Variants in PAX3 observed in about 807,000 individuals in gnomAD.
PAX3 encodes the protein paired box 3, also known as paired box protein Pax-3.
PAX3 carries 14 observed loss-of-function variants against 51.6 expected under a neutral mutation model. The observed-to-expected ratio is 0.27, with a 90% CI of 0.18 to 0.42. The LOEUF (loss-of-function observed/expected upper bound fraction) is 0.42. PAX3 is among the 10% of genes least tolerant of loss of function. The pLI, the probability that PAX3 is intolerant of heterozygous loss-of-function variation, is 1.00. For missense variants in PAX3, 540 were observed against 642.8 expected, an observed-to-expected ratio of 0.84 and a Z score of 1.73; for synonymous variants, 280 against 253.4, an observed-to-expected ratio of 1.11 and a Z score of -1.00.
chr2:222,248,739 G>A (rs539060050), intron 4 of PAX3, among the ~76,000 whole-genome samples: 3 of 152,304 alleles, frequency 2.0e-5, no homozygotes, highest in African/African-American at 7.2e-5. Context: ...AGCAGGTTTT[G>A]AGGGAGCTTG....
At chr2:222,283,477 A>T (rs1477243748) in intron 4 of PAX3, among the ~76,000 whole-genome samples, 1 of 152,212 alleles carries the variant, frequency 6.6e-6, no homozygotes, top group Non-Finnish European at 1.5e-5. Flanking sequence ...GTGCAAAGTG[A>T]GTGTTTTACC....
chr2:222,231,518 G>A (rs920879030), intron 5 of PAX3, among the ~76,000 whole-genome samples: 4 of 152,178 alleles, frequency 2.6e-5, no homozygotes, highest in South Asian at 2.1e-4. Flanking sequence ...TTATAAAATC[G>A]TTAAATGAAG....
intron 4 of PAX3, among the ~76,000 whole-genome samples, chr2:222,249,916 C>T (rs1413673189): frequency 2.0e-5 from 3 of 152,140 alleles, no homozygotes; most frequent in Non-Finnish European, 4.4e-5. Flanking sequence ...TTATAAGCTA[C>T]CTAGAGTCTT....
rs533683487 is a variant in PAX3 at position 222,217,741 on chromosome 2, A to G, written c.1173+2399T>C. Among the ~76,000 whole-genome samples, 9 of 152,302 alleles carry G rather than the reference A, an allele frequency of 5.9e-5. No individual in the cohort carries two copies. The East Asian group carries it at 1.7e-3, about 29-fold the overall frequency. ...AGTCTCTTCTTTAGTTAACAAGTAA[A>G]CCAGGGTGTTAGACATGAACTCGTT... On this transcript the variant is annotated intron_variant, in intron 7 of 8. Coordinates refer to ENST00000392070, the MANE Select transcript of PAX3 (RefSeq NM_181458.4).
intron 4 of PAX3, among the ~76,000 whole-genome samples, chr2:222,234,747 C>T (rs987419278): frequency 6.6e-6 from 1 of 152,306 alleles, no homozygotes; most frequent in Admixed American, 6.5e-5. Context: ...TCAAAATTTT[C>T]AACTCTGTAA....
At chr2:222,251,983 G>A (rs939527586) in intron 4 of PAX3, among the ~76,000 whole-genome samples, 4 of 152,090 alleles carry the variant, frequency 2.6e-5, no homozygotes, top group Admixed American at 6.5e-5. Flanking sequence ...CCTCCAAATC[G>A]AAGATGTAAC....
At chr2:222,277,889 A>G (rs7580044) in intron 4 of PAX3, among the ~76,000 whole-genome samples, 106,972 of 148,350 alleles carry the variant, frequency 0.72, 40,457 homozygotes, top group East Asian at 0.99. Context: ...AGCTGAGATC[A>G]TGCCACTGCA....
At chr2:222,279,477 A>C (rs1694559693) in intron 4 of PAX3, among the ~76,000 whole-genome samples, 1 of 152,366 alleles carries the variant, frequency 6.6e-6, no homozygotes, top group South Asian at 2.1e-4. Flanking sequence ...AAAGTGGGGA[A>C]AAACATTTTC....
In PAX3 at chr2:222,213,492, G is replaced by C. The variant is rs1013226609; in HGVS notation, c.1173+6648C>G. On this transcript the variant is annotated intron_variant, in intron 7 of 8. Transcript: ENST00000392070. ...CTCGTTTATGATCATAAACATTCTT[G>C]AGCCTTCACAAACATCGAGGCTTCT... 8.5e-5 allele frequency among the ~76,000 whole-genome samples: 13 copies of C among 152,108 alleles called. 1 individual carries two copies. The South Asian group carries it at 1.5e-3, about 17-fold the overall frequency.
chr2:222,255,020 T>C (rs12619426), intron 4 of PAX3, among the ~76,000 whole-genome samples: 17,642 of 152,204 alleles, frequency 0.12, 1,256 homozygotes, highest in East Asian at 0.32. Context: ...TGACCTCAAG[T>C]GATCCACCTG....
At chr2:222,244,404 G>C (rs750215486) in intron 4 of PAX3, among the ~76,000 whole-genome samples, 38 of 152,152 alleles carry the variant, frequency 2.5e-4, no homozygotes, top group Admixed American at 1.1e-3. Flanking sequence ...CATCAGCAAA[G>C]TAGGGTTTAA....
intron 4 of PAX3, among the ~76,000 whole-genome samples, chr2:222,282,703 G>A (rs572953587): frequency 1.3e-5 from 2 of 152,212 alleles, no homozygotes; most frequent in South Asian, 4.1e-4. Context: ...AACATAAAGA[G>A]ACTACTTTTG....
chr2:222,294,339 A>C (rs1188765618), intron 3 of PAX3, 38 bp from the exon 4 acceptor site: 1 of 1,612,210 alleles, frequency 6.2e-7, no homozygotes, highest in Admixed American at 1.7e-5. Context: ...GGGAGCGCAC[A>C]TGGTTGAGAC....
chr2:222,201,553 T>C, intron 8 of PAX3, 111 bp from the exon 9 acceptor site: 1 of 1,443,128 alleles, frequency 6.9e-7, no homozygotes, highest in Non-Finnish European at 9.7e-7. Flanking sequence ...TATCAAAGGC[T>C]TGAGACTAAT....
At chr2:222,253,370 C>T (rs1693511192) in intron 4 of PAX3, among the ~76,000 whole-genome samples, 1 of 152,168 alleles carries the variant, frequency 6.6e-6, no homozygotes. Context: ...CCTGGTTTGA[C>T]ATTAGTCTGT....
intron 4 of PAX3, among the ~76,000 whole-genome samples, chr2:222,260,898 T>C (rs1437711158): frequency 6.6e-6 from 1 of 152,114 alleles, no homozygotes; most frequent in Admixed American, 6.5e-5. Context: ...CAACACAAGA[T>C]TTTAAAATAA....
At chr2:222,258,474 A>G (rs942663167) in intron 4 of PAX3, among the ~76,000 whole-genome samples, 15 of 152,290 alleles carry the variant, frequency 9.8e-5, no homozygotes, top group Middle Eastern at 3.4e-3. Context: ...TTAAATATGG[A>G]GCTTATATTC....
At chr2:222,257,599 A>G (rs1003883351) in intron 4 of PAX3, among the ~76,000 whole-genome samples, 15 of 152,346 alleles carry the variant, frequency 9.8e-5, no homozygotes, top group African/African-American at 3.6e-4. Flanking sequence ...TAAATTGACT[A>G]CCTGTCTCCA....
Position 222,231,177 on chromosome 2 carries a change from T to C in PAX3, c.792+901A>G, listed in dbSNP as rs564622416. ...GCATCTATGAACGTGTTGATCAATC[T>C]AGGGACCATGTCAACTGACTAGTCC... On this transcript the variant is annotated intron_variant, in intron 5 of 8. Transcript: ENST00000392070. Among the ~76,000 whole-genome samples, 5 of 152,300 alleles carry C rather than the reference T, an allele frequency of 3.3e-5. No homozygotes were observed. In the South Asian group the frequency reaches 1.0e-3, roughly 32 times the overall value.
Sources: gnomAD v4.1 joint callset for allele counts (sites outside exome capture counted in the v4.1 genomes callset) on GRCh38, gnomAD v4.1.1 for gene constraint, MANE v1.5 for transcripts, NCBI Gene and HGNC (gene_info 2026-07-23, HGNC 2026-07-21) for gene names.